USP4: variants seen among roughly 807,000 people sequenced by gnomAD.
USP4 encodes the protein ubiquitin carboxyl-terminal hydrolase 4.
In USP4, 72 loss-of-function variants were observed where a neutral mutation model predicts 118.2. The ratio of observed to expected loss-of-function variants is 0.61; its 90% CI spans 0.50 to 0.74. The LOEUF is 0.74. Among genes scored for constraint, USP4 ranks in the 30% least tolerant of loss-of-function variants. The probability of loss-of-function intolerance (pLI) is 0.00; values close to 1 mark genes in which losing one functional copy is unlikely to be tolerated. For missense variants in USP4, 1,037 were observed against 1,185.7 expected, an observed-to-expected ratio of 0.87 and a Z score of 1.84; for synonymous variants, 415 against 440.4, an observed-to-expected ratio of 0.94 and a Z score of 0.72.
intron 16 of USP4, among the ~76,000 whole-genome samples, chr3:49,285,726 A>G (rs1052320975): frequency 3.3e-5 from 5 of 152,176 alleles, no homozygotes; most frequent in African/African-American, 1.2e-4. Context: ...CCATCCTCTG[A>G]ATGGGTACAT....
In USP4 at chr3:49,299,005, T is replaced by C. The variant is rs558106730; in HGVS notation, c.1513-370A>G. Among the ~76,000 whole-genome samples, 16 of 152,374 alleles carry C rather than the reference T, an allele frequency of 1.1e-4. No individual in the cohort carries two copies. In the East Asian group the frequency reaches 2.7e-3, roughly 26 times the overall value. ...GAGACAGGGTCTCAAACTCCTGGCC[T>C]CGAGCAATCCTCCCGCCTCAGCATC... On this transcript the variant is annotated intron_variant, in intron 11 of 21. Transcript: ENST00000265560.
intron 8 of USP4, among the ~76,000 whole-genome samples, chr3:49,309,920 C>T (rs1444057337): frequency 1.7e-5 from 2 of 118,218 alleles, no homozygotes; most frequent in Admixed American, 1.9e-4. Flanking sequence ...AGCCACAGTG[C>T]TGCCCCCGGA....
At chr3:49,306,253 A>T (rs573180118) in intron 8 of USP4, among the ~76,000 whole-genome samples, 135 of 143,180 alleles carry the variant, frequency 9.4e-4, no homozygotes, top group African/African-American at 3.5e-3. Context: ...TCCAGGCTGG[A>T]GTGCAATGGT....
chr3:49,313,252 C>T (rs564803160), intron 6 of USP4, among the ~76,000 whole-genome samples: 23 of 152,180 alleles, frequency 1.5e-4, no homozygotes, highest in Non-Finnish European at 2.4e-4. Context: ...TAAGGCCAGG[C>T]GAGGTAGCTC....
intron 12 of USP4, 37 bp downstream of exon 12, chr3:49,298,515 C>T: frequency 2.5e-6 from 4 of 1,602,822 alleles, no homozygotes; most frequent in Non-Finnish European, 3.4e-6. Context: ...ATGAAGTATC[C>T]CAAATAGACC....
chr3:49,291,968 C>A (rs544524587), intron 15 of USP4, among the ~76,000 whole-genome samples: 3 of 151,964 alleles, frequency 2.0e-5, no homozygotes, highest in Non-Finnish European at 4.4e-5. Flanking sequence ...CCACCATGTC[C>A]GGCTAATTTT....
At chr3:49,322,217 A>T (rs1276205789) in intron 6 of USP4, among the ~76,000 whole-genome samples, 2 of 152,196 alleles carry the variant, frequency 1.3e-5, no homozygotes, top group East Asian at 3.9e-4. Flanking sequence ...CAACAGAATC[A>T]TTATGCCCTG....
intron 6 of USP4, among the ~76,000 whole-genome samples, chr3:49,317,709 T>G (rs921526545): frequency 2.2e-5 from 3 of 137,450 alleles, no homozygotes; most frequent in Non-Finnish European, 3.2e-5. Flanking sequence ...GCCCGTGGTG[T>G]TTTTTTTTTT....
At chr3:49,300,765 GC>G in intron 10 of USP4, 74 bp from the exon 11 acceptor site, 1 of 1,404,688 alleles carries the variant, frequency 7.1e-7, no homozygotes, top group Non-Finnish European at 9.9e-7. Context: ...ATGACTCACA[GC>G]AAACCTGGAG....
chr3:49,279,855 C>A (rs754344447), intron 20 of USP4, among the ~76,000 whole-genome samples: 6 of 152,164 alleles, frequency 3.9e-5, no homozygotes, highest in Non-Finnish European at 8.8e-5. Context: ...TTTGAAGTTC[C>A]AACTGTAGGC....
At chr3:49,279,319 T>C (rs1205206935) in intron 20 of USP4, 1 of 153,262 alleles carries the variant, frequency 6.5e-6, no homozygotes, top group African/African-American at 2.4e-5. Flanking sequence ...TCTAGGCAGG[T>C]GGCTACTAAC....
chr3:49,326,295 C>T (rs1199608823), intron 3 of USP4, among the ~76,000 whole-genome samples: 3 of 151,866 alleles, frequency 2.0e-5, no homozygotes, highest in South Asian at 2.1e-4. Flanking sequence ...CCAGCCTGGG[C>T]GACAGAGCGA....
Position 49,277,202 on chromosome 3 carries a change from C to A in USP4, c.*1091G>T. 2.2e-6 allele frequency: 3 copies of A among 1,346,690 alleles called. No homozygotes were observed. The highest frequency in any genetic ancestry group is 2.9e-6 in the Non-Finnish European group (3 of 1,026,140). The allele number at this position is 1,346,690 out of a possible 1,614,324, so 83.4% of individuals were successfully genotyped here. A position where few individuals can be genotyped will look rare whatever the true frequency, so the allele number is the denominator to read the frequency against. The stretch of plus-strand genomic sequence containing the variant: ...TGTCCTCACCCGCAGCGCAGTGACG[C>A]CGACCCATCCAACGGTCATCGCATG... On this transcript the variant is annotated 3_prime_UTR_variant, in exon 22 of 22. Transcript: ENST00000265560.
chr3:49,312,045 C>G, intron 6 of USP4: 1 of 287,238 alleles, frequency 3.5e-6, no homozygotes, highest in Non-Finnish European at 5.7e-6. Flanking sequence ...TTAGCCAGGT[C>G]GCGCGTGGTG....
In USP4 at chr3:49,294,603, G is replaced by A. The variant is rs755242454; in HGVS notation, c.1692-5C>T. On this transcript the variant is annotated splice_region_variant and splice_polypyrimidine_tract_variant and intron_variant, in intron 13 of 21. Transcript: ENST00000265560. ...GAAGTGCTGCAGACCTCGTACCTGCGTCAATCACACAAGAGGGCACTTTTA... is the reference window on the plus strand; with the variant it reads ...GAAGTGCTGCAGACCTCGTACCTGCATCAATCACACAAGAGGGCACTTTTA... 26 of 1,611,804 alleles carry A rather than the reference G, an allele frequency of 1.6e-5. No homozygotes were observed. Among genetic ancestry groups the A allele is most frequent in the East Asian group, 2.2e-5 (1 of 44,844 alleles).
Position 49,281,231 on chromosome 3 carries a change from C to T in USP4, c.2541-384G>A, listed in dbSNP as rs143570291. Among the ~76,000 whole-genome samples the T allele has an allele frequency of 5.3e-4, 80 of 151,790 alleles. 1 individual carries two copies. The East Asian group carries it at 0.014, about 27-fold the overall frequency. On this transcript the variant is annotated intron_variant, in intron 19 of 21. Coordinates refer to ENST00000265560, the MANE Select transcript of USP4 (RefSeq NM_003363.4). ...CAGCACTTTCGGAGGCCAAGGCAGGCGGATCACGAGATCAGAAGATTGAGA... is the reference window on the plus strand; with the variant it reads ...CAGCACTTTCGGAGGCCAAGGCAGGTGGATCACGAGATCAGAAGATTGAGA...
At chr3:49,298,356 T>TA (rs948566198) in intron 12 of USP4, among the ~76,000 whole-genome samples, 196 bp downstream of exon 12, 1 of 151,134 alleles carries the variant, frequency 6.6e-6, no homozygotes, top group Non-Finnish European at 1.5e-5. Flanking sequence ...GAAGGAAAGA[T>TA]AGTGTTTCCT....
intron 10 of USP4, 99 bp downstream of exon 10, chr3:49,302,285 C>G: frequency 2.1e-6 from 3 of 1,404,746 alleles, no homozygotes; most frequent in Non-Finnish European, 2.9e-6. Flanking sequence ...CAACCAGGGC[C>G]CTGGCAACAA....
At chr3:49,328,297 G>T (rs2047578535) in intron 2 of USP4, among the ~76,000 whole-genome samples, 1 of 151,958 alleles carries the variant, frequency 6.6e-6, no homozygotes, top group Non-Finnish European at 1.5e-5. Context: ...GGCAGAGGTT[G>T]CAGTAAGCCA....
Sources: allele counts gnomAD v4.1 joint callset (sites outside exome capture counted in the v4.1 genomes callset), GRCh38; gene constraint gnomAD v4.1.1; transcripts MANE v1.5; gene names NCBI Gene and HGNC (gene_info 2026-07-23, HGNC 2026-07-21).